Variants in MSI2 observed in about 807,000 individuals in gnomAD.
MSI2 encodes musashi RNA binding protein 2.
In MSI2, 17 loss-of-function variants were observed where a neutral mutation model predicts 45.6. The ratio of observed to expected loss-of-function variants is 0.37; its 90% CI spans 0.26 to 0.56. MSI2 has a LOEUF of 0.56. Among genes scored for constraint, MSI2 ranks in the 20% least tolerant of loss-of-function variants. The pLI is 0.77. For missense variants in MSI2, 293 were observed against 444.2 expected (o/e 0.66, Z 3.06); for synonymous variants, 156 against 158.2 (o/e 0.99, Z 0.11).
intron 10 of MSI2, among the ~76,000 whole-genome samples, chr17:57,635,107 A>G (rs889648307): frequency 2.0e-5 from 3 of 152,232 alleles, no homozygotes; most frequent in Admixed American, 6.5e-5. Context: ...AATTTCTGCT[A>G]CATACCTGAG....
chr17:57,637,906 C>G (rs564491844), intron 10 of MSI2, among the ~76,000 whole-genome samples: 1 of 152,368 alleles, frequency 6.6e-6, no homozygotes, highest in Admixed American at 6.5e-5. Flanking sequence ...TCATTTTCCT[C>G]CACTCCCCAC....
chr17:57,544,263 T>C (rs1412021799), intron 7 of MSI2, among the ~76,000 whole-genome samples: 4 of 152,228 alleles, frequency 2.6e-5, no homozygotes, highest in Admixed American at 6.5e-5. Flanking sequence ...TGTTTTATTT[T>C]GCTTTATTTT....
At chr17:57,277,270 C>T (rs1423898116) in intron 5 of MSI2, among the ~76,000 whole-genome samples, 1 of 152,104 alleles carries the variant, frequency 6.6e-6, no homozygotes, top group Non-Finnish European at 1.5e-5. Flanking sequence ...GTTGGCCAGG[C>T]TGGTCTCGAA....
At chr17:57,300,392 T>A (rs74256739) in intron 5 of MSI2, among the ~76,000 whole-genome samples, 6,996 of 152,280 alleles carry the variant, frequency 0.046, 348 homozygotes, top group East Asian at 0.18. Flanking sequence ...ATTTATAGCA[T>A]CAAAAGTAAA....
At chr17:57,572,893 A>G (rs1023871624) in intron 7 of MSI2, among the ~76,000 whole-genome samples, 5 of 152,214 alleles carry the variant, frequency 3.3e-5, no homozygotes, top group African/African-American at 1.2e-4. Flanking sequence ...TCAGGCTGAG[A>G]TGGCTGTAAC....
chr17:57,588,941 C>A (rs1904561289), intron 7 of MSI2, among the ~76,000 whole-genome samples: 1 of 152,208 alleles, frequency 6.6e-6, no homozygotes, highest in African/African-American at 2.4e-5. Flanking sequence ...TATTCATACT[C>A]CCCAGGGTGG....
chr17:57,541,009 G>T (rs967240482), intron 7 of MSI2, among the ~76,000 whole-genome samples: 6 of 152,122 alleles, frequency 3.9e-5, no homozygotes, highest in African/African-American at 1.4e-4. Context: ...TAAGCAAAAT[G>T]ATGTGCAAGA....
chr17:57,494,866 C>T (rs990921206), intron 6 of MSI2, among the ~76,000 whole-genome samples: 2 of 151,982 alleles, frequency 1.3e-5, no homozygotes, highest in South Asian at 2.1e-4. Context: ...AAACGAATCC[C>T]GGTCATGACA....
chr17:57,504,394 G>A (rs1229085894), intron 6 of MSI2, among the ~76,000 whole-genome samples: 1 of 152,204 alleles, frequency 6.6e-6, no homozygotes, highest in Admixed American at 6.5e-5. Flanking sequence ...TCAGTGGAAT[G>A]ACAGACCAGT....
chr17:57,383,924 C>T (rs1268730387), intron 5 of MSI2, among the ~76,000 whole-genome samples: 1 of 152,216 alleles, frequency 6.6e-6, no homozygotes, highest in East Asian at 1.9e-4. Flanking sequence ...CACGTGGCAG[C>T]TCAGAGTTTG....
Position 57,507,277 on chromosome 17 carries a change from GTGTC to G in MSI2, c.406-22397_406-22394del, listed in dbSNP as rs1243505038. ...TGTGTGTGTGTGTGTGTGTGTGTGT[GTGTC>G]TCCCCCACCCCCGACAATGACTAAG... On this transcript the variant is annotated intron_variant, in intron 6 of 13. Transcript: ENST00000284073. Among the ~76,000 whole-genome samples the G allele has an allele frequency of 1.0e-4, 14 of 137,142 alleles. 1 individual carries two copies. The highest frequency in any genetic ancestry group is 3.1e-4 in the African/African-American group (11 of 35,344). 90.0% of individuals were successfully genotyped at this position (137,142 alleles called of 152,430 possible).
chr17:57,646,775 C>T (rs1910696793), intron 10 of MSI2, among the ~76,000 whole-genome samples: 1 of 152,182 alleles, frequency 6.6e-6, no homozygotes, highest in Admixed American at 6.5e-5. Flanking sequence ...GCCGTGGCCC[C>T]TGTTCATGCC....
At chr17:57,478,619 G>T (rs565291039) in intron 6 of MSI2, among the ~76,000 whole-genome samples, 1 of 152,302 alleles carries the variant, frequency 6.6e-6, no homozygotes, top group African/African-American at 2.4e-5. Flanking sequence ...GAATTCTCAT[G>T]TTGAGCCAGA....
intron 5 of MSI2, among the ~76,000 whole-genome samples, chr17:57,350,071 A>G (rs988181672): frequency 6.6e-6 from 1 of 152,162 alleles, no homozygotes; most frequent in African/African-American, 2.4e-5. Flanking sequence ...TTATAAATGA[A>G]CCATATGGAA....
intron 6 of MSI2, among the ~76,000 whole-genome samples, chr17:57,430,319 AT>A (rs139447405): frequency 5.0e-4 from 75 of 150,442 alleles, no homozygotes; most frequent in East Asian, 2.3e-3. Context: ...TAGTATAAAC[AT>A]TTTTTTTTTC....
At chr17:57,594,489 C>T (rs1447261317) in intron 7 of MSI2, among the ~76,000 whole-genome samples, 1 of 152,122 alleles carries the variant, frequency 6.6e-6, no homozygotes, top group African/African-American at 2.4e-5. Flanking sequence ...ACTGAAAGTG[C>T]TTAAAGGAGC....
At chr17:57,671,736 TC>T (rs1912796110) in intron 11 of MSI2, among the ~76,000 whole-genome samples, 1 of 152,158 alleles carries the variant, frequency 6.6e-6, no homozygotes, top group South Asian at 2.1e-4. Context: ...AATTGCTTTG[TC>T]CCTAATGCCT....
intron 6 of MSI2, among the ~76,000 whole-genome samples, chr17:57,520,068 G>GA (rs1299464240): frequency 3.3e-5 from 5 of 151,762 alleles, no homozygotes; most frequent in African/African-American, 9.7e-5. Context: ...TTTAAAAAGA[G>GA]AAAAAAAATG....
chr17:57,357,300 T>A (rs1019188476), intron 5 of MSI2, among the ~76,000 whole-genome samples: 2 of 152,064 alleles, frequency 1.3e-5, no homozygotes, highest in Non-Finnish European at 2.9e-5. Flanking sequence ...TTCTGCATGG[T>A]CTTAAGCTCC....
Sources: allele counts gnomAD v4.1 joint callset (sites outside exome capture counted in the v4.1 genomes callset), GRCh38; gene constraint gnomAD v4.1.1; transcripts MANE v1.5; gene names NCBI Gene and HGNC (gene_info 2026-07-23, HGNC 2026-07-21).